STRBP: variants seen among roughly 807,000 people sequenced by gnomAD.
STRBP encodes spermatid perinuclear RNA binding protein.
In STRBP, 13 loss-of-function variants were observed where a neutral mutation model predicts 80.1. The observed-to-expected ratio is 0.16, with a 90% CI of 0.11 to 0.26. The LOEUF is 0.26. Among genes scored for constraint, STRBP ranks in the 10% least tolerant of loss-of-function variants. The pLI is 1.00. For missense variants in STRBP, 485 were observed against 815.2 expected (o/e 0.59, Z 4.93); for synonymous variants, 284 against 291.2 (o/e 0.98, Z 0.25).
downstream of STRBP, among the ~76,000 whole-genome samples, chr9:123,119,716 G>A (rs1158542132): frequency 4.6e-5 from 7 of 152,104 alleles, no homozygotes; most frequent in Non-Finnish European, 8.8e-5. Context: ...GCCAACCATG[G>A]TAAGAACACT....
intron 17 of STRBP, among the ~76,000 whole-genome samples, chr9:123,132,132 G>T (rs2036163098): frequency 6.6e-6 from 1 of 152,184 alleles, no homozygotes; most frequent in South Asian, 2.1e-4. Flanking sequence ...AAGCTATGTG[G>T]TGGAATGGAA....
At chr9:123,148,684 C>T (rs1337191011) in intron 11 of STRBP, among the ~76,000 whole-genome samples, 1 of 152,174 alleles carries the variant, frequency 6.6e-6, no homozygotes, top group East Asian at 1.9e-4. Context: ...TCTTCAAATC[C>T]TATTCAAAAT....
Position 123,125,079 on chromosome 9 carries a change from A to G in STRBP, c.*518T>C. The G allele has an allele frequency of 2.0e-6, 2 of 985,370 alleles. No homozygotes were observed. Among genetic ancestry groups the G allele is most frequent in the African/African-American group, 3.5e-5 (2 of 57,356 alleles). The allele number at this position is 985,370 out of a possible 1,614,324, so 61.0% of individuals were successfully genotyped here. On this transcript the variant is annotated 3_prime_UTR_variant, in exon 19 of 19. Coordinates refer to ENST00000348403, the MANE Select transcript of STRBP (RefSeq NM_018387.5). ...TATTGGCTTTATTACACACTTCAATATTTACAAAGTTAAAGTTAAATGAAA... is the reference window on the plus strand; with the variant it reads ...TATTGGCTTTATTACACACTTCAATGTTTACAAAGTTAAAGTTAAATGAAA...
At chr9:123,165,078 C>T (rs984338387) in intron 6 of STRBP, among the ~76,000 whole-genome samples, 6 of 151,898 alleles carry the variant, frequency 4.0e-5, no homozygotes, top group African/African-American at 1.2e-4. Flanking sequence ...GTCAAGAGAT[C>T]GAGATCATCC....
intron 1 of STRBP, among the ~76,000 whole-genome samples, chr9:123,242,488 G>A (rs541750094): frequency 4.3e-4 from 65 of 152,176 alleles, no homozygotes; most frequent in African/African-American, 1.5e-3. Flanking sequence ...GCAAAACCCC[G>A]TCTCTACTAA....
At chr9:123,132,715 A>G (rs972202211) in intron 17 of STRBP, 130 bp downstream of exon 17, 1 of 1,305,652 alleles carries the variant, frequency 7.7e-7, no homozygotes. Flanking sequence ...TCTACTTTTA[A>G]ATTTCTGTGT....
At chr9:123,223,049 T>TA (rs71508195) in intron 2 of STRBP, among the ~76,000 whole-genome samples, 6 of 147,888 alleles carry the variant, frequency 4.1e-5, no homozygotes, top group South Asian at 2.2e-4. Context: ...GATAGATAGA[T>TA]GATAGATAGA....
intron 11 of STRBP, among the ~76,000 whole-genome samples, chr9:123,154,216 G>C (rs1179546397): frequency 6.6e-6 from 1 of 152,164 alleles, no homozygotes; most frequent in African/African-American, 2.4e-5. Flanking sequence ...TTCAAAAGTA[G>C]AATGAGTAAA....
intron 2 of STRBP, among the ~76,000 whole-genome samples, chr9:123,206,686 T>C (rs961259915): frequency 1.3e-5 from 2 of 152,170 alleles, no homozygotes; most frequent in African/African-American, 2.4e-5. Context: ...TTGCCCAGGC[T>C]GGAGTGCAAT....
intron 2 of STRBP, among the ~76,000 whole-genome samples, chr9:123,186,663 A>G (rs772428776): frequency 1.2e-4 from 19 of 152,180 alleles, no homozygotes; most frequent in Non-Finnish European, 1.2e-4. Flanking sequence ...CAGAATCAGC[A>G]AACAAGGGAC....
chr9:123,144,389 T>C (rs1006398749), intron 13 of STRBP, among the ~76,000 whole-genome samples: 8 of 152,166 alleles, frequency 5.3e-5, no homozygotes, highest in African/African-American at 1.9e-4. Flanking sequence ...CCCCAGTGGA[T>C]TCTCAGGTGC....
chr9:123,223,796 A>G (rs2040149757), intron 2 of STRBP, among the ~76,000 whole-genome samples: 1 of 151,934 alleles, frequency 6.6e-6, no homozygotes, highest in South Asian at 2.1e-4. Flanking sequence ...ATTTATATTC[A>G]TATATGTGCT....
At chr9:123,260,756 T>G (rs2041144206) in intron 1 of STRBP, among the ~76,000 whole-genome samples, 2 of 152,058 alleles carry the variant, frequency 1.3e-5, no homozygotes, top group African/African-American at 2.4e-5. Flanking sequence ...CAATTGTGAG[T>G]GAGGGCTGAG....
At chr9:123,237,027 G>C (rs766096699) in intron 1 of STRBP, 61 bp from the exon 2 acceptor site, 2 of 152,256 alleles carry the variant, frequency 1.3e-5, no homozygotes, top group Non-Finnish European at 2.9e-5. Context: ...CCAGCTACTC[G>C]GGAGGCTGAG....
chr9:123,156,409 TGAG>T (rs966435040), intron 11 of STRBP, among the ~76,000 whole-genome samples: 1 of 152,008 alleles, frequency 6.6e-6, no homozygotes, highest in Non-Finnish European at 1.5e-5. Flanking sequence ...TTCTTTCTCC[TGAG>T]GAGTTTACAG....
At chr9:123,203,087 C>G (rs1461708661) in intron 2 of STRBP, among the ~76,000 whole-genome samples, 1 of 152,166 alleles carries the variant, frequency 6.6e-6, no homozygotes, top group Non-Finnish European at 1.5e-5. Context: ...GGCATGGTGA[C>G]TCACACCTGT....
chr9:123,249,848 C>T (rs1588154432), intron 1 of STRBP, among the ~76,000 whole-genome samples: 1 of 152,272 alleles, frequency 6.6e-6, no homozygotes, highest in South Asian at 2.1e-4. Flanking sequence ...CACTATGTTT[C>T]TTTTCCACTC....
chr9:123,120,686 CT>C (rs1239587864), downstream of STRBP, among the ~76,000 whole-genome samples: 3 of 152,078 alleles, frequency 2.0e-5, no homozygotes, highest in Non-Finnish European at 4.4e-5. Flanking sequence ...AAATTAACCA[CT>C]TTGTCCTTTG....
At chr9:123,141,145 C>G (rs1397936113) in intron 13 of STRBP, among the ~76,000 whole-genome samples, 2 of 152,134 alleles carry the variant, frequency 1.3e-5, no homozygotes, top group South Asian at 2.1e-4. Context: ...GGTGGCCACA[C>G]AAATGAGAAG....
Sources: allele counts gnomAD v4.1 joint callset (sites outside exome capture counted in the v4.1 genomes callset), GRCh38; gene constraint gnomAD v4.1.1; transcripts MANE v1.5; gene names NCBI Gene and HGNC (gene_info 2026-07-23, HGNC 2026-07-21).